The following RBMS3 variants were observed in gnomAD, a reference collection of about 807,000 sequenced individuals.
RBMS3 encodes RNA-binding motif, single-stranded-interacting protein 3.
Under a neutral mutation model 66.8 loss-of-function variants are expected in RBMS3, and 27 were observed. The ratio of observed to expected loss-of-function variants is 0.40; its 90% confidence interval spans 0.30 to 0.56. The LOEUF (loss-of-function observed/expected upper bound fraction) is 0.56, where lower values mean the gene tolerates loss of function less well. RBMS3 is among the 20% of genes least tolerant of loss of function. RBMS3 has a pLI of 0.40. For missense variants in RBMS3, 513 were observed against 549.5 expected (o/e 0.93, Z 0.66); for synonymous variants, 188 against 183.0 (o/e 1.03, Z -0.22).
intron 4 of RBMS3, among the ~76,000 whole-genome samples, chr3:29,601,912 T>C (rs1373527538): frequency 2.0e-5 from 3 of 151,954 alleles, no homozygotes; most frequent in Non-Finnish European, 4.4e-5. Context: ...TTGAGTAGAG[T>C]TAAGAGGGAC....
chr3:30,001,785 CTTATT>C (rs1203897572), intron 14 of RBMS3, among the ~76,000 whole-genome samples: 16 of 150,802 alleles, frequency 1.1e-4, no homozygotes, highest in East Asian at 1.9e-4. Flanking sequence ...TATTTTATTT[CTTATT>C]TTATTATTTA....
At chr3:29,805,410 T>C (rs943616151) in intron 6 of RBMS3, among the ~76,000 whole-genome samples, 3 of 152,098 alleles carry the variant, frequency 2.0e-5, no homozygotes, top group African/African-American at 7.2e-5. Context: ...TTTGTACTTA[T>C]AGAATAAAAA....
At chr3:29,611,603 T>G (rs2048494803) in intron 4 of RBMS3, among the ~76,000 whole-genome samples, 1 of 151,950 alleles carries the variant, frequency 6.6e-6, no homozygotes, top group South Asian at 2.1e-4. Flanking sequence ...AGAATCTTCA[T>G]AAGTTCGTAA....
At chr3:29,294,912 T>C (rs1163252282) in intron 1 of RBMS3, among the ~76,000 whole-genome samples, 1 of 151,582 alleles carries the variant, frequency 6.6e-6, no homozygotes, top group African/African-American at 2.4e-5. Context: ...CCCAGATGGG[T>C]TTTTTAACTC....
At chr3:29,590,393 T>C (rs1367634324) in intron 4 of RBMS3, among the ~76,000 whole-genome samples, 1 of 152,156 alleles carries the variant, frequency 6.6e-6, no homozygotes, top group Non-Finnish European at 1.5e-5. Context: ...AATATTGTTA[T>C]ACATTTAATT....
chr3:29,879,935 T>C (rs1463892225), intron 7 of RBMS3, among the ~76,000 whole-genome samples: 3 of 152,182 alleles, frequency 2.0e-5, no homozygotes, highest in Non-Finnish European at 4.4e-5. Context: ...TAATGTGTAC[T>C]CTTTAAGCAG....
chr3:29,604,243 T>C (rs956581110), intron 4 of RBMS3, among the ~76,000 whole-genome samples: 1 of 151,982 alleles, frequency 6.6e-6, no homozygotes, highest in African/African-American at 2.4e-5. Context: ...GCAATATAAT[T>C]GTGAGTGTAT....
chr3:29,555,036 T>C (rs2046304046), intron 3 of RBMS3, among the ~76,000 whole-genome samples: 2 of 152,220 alleles, frequency 1.3e-5, no homozygotes, highest in Admixed American at 1.3e-4. Context: ...CTTTTATTTT[T>C]TGTTCTTTCC....
Position 29,325,573 on chromosome 3 carries a change from TAC to T in RBMS3, c.75+43819_75+43820del, listed in dbSNP as rs577621971. Among the ~76,000 whole-genome samples, 373 of 151,512 alleles carry T rather than the reference TAC, an allele frequency of 2.5e-3. 2 individuals carry two copies. The highest frequency in any genetic ancestry group is 8.6e-3 in the African/African-American group (357 of 41,290). On this transcript the variant is annotated intron_variant, in intron 1 of 14. Transcript: ENST00000383767. ...GTATATATGTGTGTATGTATATATA[TAC>T]ATGTGTGTATGTATATATATACGTG...
In RBMS3 at chr3:29,930,109, C is replaced by CTTTCTTTCTTTTTTTTTT. The variant is rs71091082; in HGVS notation, c.940-5974_940-5973insCTTTCTTTTTTTTTTTTT. On this transcript the variant is annotated intron_variant, in intron 10 of 14. Transcript: ENST00000383767. Reference sequence around the variant, plus strand: ...TACTTTGTGTCACTTTTCTTTCTTTCTTTTTTTTTTTTTTTTTTTTGAGAT... The same window carrying CTTTCTTTCTTTTTTTTTT: ...TACTTTGTGTCACTTTTCTTTCTTTCTTTCTTTCTTTTTTTTTTTTTTTTTTTTTTTTTTTTTTGAGAT... 4.4e-4 allele frequency among the ~76,000 whole-genome samples: 19 copies of CTTTCTTTCTTTTTTTTTT among 43,552 alleles called. 2 individuals are homozygous for CTTTCTTTCTTTTTTTTTT. The highest frequency in any genetic ancestry group is 9.3e-4 in the Admixed American group (3 of 3,218). The allele number at this position is 43,552 out of a possible 152,430, so 28.6% of individuals were successfully genotyped here. A position where few individuals can be genotyped will look rare whatever the true frequency, so the allele number is the denominator to read the frequency against.
chr3:29,577,966 C>T (rs1161834692), intron 3 of RBMS3, among the ~76,000 whole-genome samples: 1 of 152,160 alleles, frequency 6.6e-6, no homozygotes, highest in Non-Finnish European at 1.5e-5. Context: ...GGGGTACAAA[C>T]TATGTAGGTT....
chr3:29,951,790 T>C (rs1388962478), intron 12 of RBMS3, among the ~76,000 whole-genome samples: 1 of 151,560 alleles, frequency 6.6e-6, no homozygotes, highest in African/African-American at 2.4e-5. Flanking sequence ...CAAACTATTA[T>C]GATATTACTA....
intron 1 of RBMS3, among the ~76,000 whole-genome samples, chr3:29,417,627 A>C (rs929743736): frequency 6.6e-6 from 1 of 152,190 alleles, no homozygotes; most frequent in Non-Finnish European, 1.5e-5. Context: ...TTTGAGAAAT[A>C]TATTTAAACA....
At chr3:29,416,411 C>A (rs2371611) in intron 1 of RBMS3, among the ~76,000 whole-genome samples, 17,149 of 152,164 alleles carry the variant, frequency 0.11, 1,388 homozygotes, top group Admixed American at 0.25. Flanking sequence ...TTAGATCCCA[C>A]AAGATCCACA....
At chr3:29,672,546 C>T (rs913057064) in intron 4 of RBMS3, among the ~76,000 whole-genome samples, 1 of 152,116 alleles carries the variant, frequency 6.6e-6, no homozygotes, top group African/African-American at 2.4e-5. Context: ...AGACCCATCT[C>T]ATGTGCAGAG....
chr3:29,508,287 G>T (rs1326466902), intron 3 of RBMS3, among the ~76,000 whole-genome samples: 1 of 152,132 alleles, frequency 6.6e-6, no homozygotes, highest in African/African-American at 2.4e-5. Context: ...GTGCCATGGT[G>T]GTTTGCTGCA....
At chr3:29,586,434 T>G (rs2047523034) in intron 3 of RBMS3, among the ~76,000 whole-genome samples, 1 of 152,166 alleles carries the variant, frequency 6.6e-6, no homozygotes. Context: ...AGCAACATAG[T>G]ATTTCTTATT....
intron 11 of RBMS3, among the ~76,000 whole-genome samples, chr3:29,938,251 A>G (rs948829706): frequency 3.6e-4 from 54 of 151,966 alleles, no homozygotes; most frequent in African/African-American, 1.3e-3. Context: ...ACAAGAACAC[A>G]TTTGTAAGGG....
chr3:29,782,951 G>A (rs1054885586), intron 6 of RBMS3, among the ~76,000 whole-genome samples: 1 of 151,926 alleles, frequency 6.6e-6, no homozygotes, highest in African/African-American at 2.4e-5. Flanking sequence ...TTGAAGACTG[G>A]GCTTTCGAAT....
Sources: gnomAD v4.1 joint callset for allele counts (sites outside exome capture counted in the v4.1 genomes callset) on GRCh38, gnomAD v4.1.1 for gene constraint, MANE v1.5 for transcripts, NCBI Gene and HGNC (gene_info 2026-07-23, HGNC 2026-07-21) for gene names.